The following DLGAP4 variants were observed in gnomAD, a reference collection of about 807,000 sequenced individuals.
DLGAP4 encodes the protein disks large-associated protein 4.
In DLGAP4, 18 loss-of-function variants were observed where a neutral mutation model predicts 86.9. The ratio of observed to expected loss-of-function variants is 0.21; its 90% CI spans 0.14 to 0.31. The LOEUF (loss-of-function observed/expected upper bound fraction) is 0.31. Ranked by LOEUF, DLGAP4 falls within the 10% of genes least tolerant of loss-of-function variation. The probability of loss-of-function intolerance (pLI) is 1.00; values close to 1 mark genes in which losing one functional copy is unlikely to be tolerated. For missense variants in DLGAP4, 1,085 were observed against 1,362.6 expected (o/e 0.80, Z 3.21); for synonymous variants, 548 against 574.3 (o/e 0.95, Z 0.65).
intron 6 of DLGAP4, 33 bp from the exon 7 acceptor site, chr20:36,446,664 C>T (rs1319690924): frequency 2.4e-5 from 38 of 1,569,102 alleles, no homozygotes; most frequent in Non-Finnish European, 3.1e-5. Context: ...GGCAAGATAG[C>T]CAGCTCCCTC....
intron 7 of DLGAP4, among the ~76,000 whole-genome samples, chr20:36,470,558 A>C (rs991520021): frequency 6.6e-6 from 1 of 152,046 alleles, no homozygotes; most frequent in African/African-American, 2.4e-5. Context: ...GTTGGTTTAA[A>C]AAAATTCAAA....
intron 10 of DLGAP4, among the ~76,000 whole-genome samples, chr20:36,518,089 G>A (rs1013670446): frequency 5.9e-5 from 9 of 152,166 alleles, no homozygotes; most frequent in Admixed American, 5.2e-4. Context: ...GCATGATGGC[G>A]GGTGCCTGTA....
rs1191100158 is a variant in DLGAP4, at chr20:36,308,805, C to T, written c.-304+2293C>T. On this transcript the variant is annotated intron_variant, in intron 1 of 12. Transcript: ENST00000339266. The surrounding 1 kb of genome is among the most constrained non-coding windows in gnomAD (Gnocchi z 4.5). ...TTCATTCAGAAAAGCATTAGAAAAT[C>T]GCATTTGCTAACATCAGTGCATTTG... Among the ~76,000 whole-genome samples the T allele has an allele frequency of 2.0e-5, 3 of 152,282 alleles. No individual in the cohort carries two copies. The highest frequency in any genetic ancestry group is 1.3e-4 in the Admixed American group (2 of 15,286).
chr20:36,421,036 G>A (rs1427550390), intron 2 of DLGAP4, among the ~76,000 whole-genome samples: 5 of 152,126 alleles, frequency 3.3e-5, no homozygotes, highest in African/African-American at 1.2e-4. Context: ...AGCTACCCAG[G>A]AAGCTGAGAC....
chr20:36,515,642 C>G (rs1180981026), intron 10 of DLGAP4, among the ~76,000 whole-genome samples: 5 of 152,296 alleles, frequency 3.3e-5, no homozygotes, highest in Middle Eastern at 3.4e-3. Flanking sequence ...CCAGGCTGGT[C>G]TCAAACTTCT....
At chr20:36,514,301 T>G (rs143384950) in intron 10 of DLGAP4, among the ~76,000 whole-genome samples, 1 of 152,058 alleles carries the variant, frequency 6.6e-6, no homozygotes, top group African/African-American at 2.4e-5. Context: ...AGGAGGAGGA[T>G]TAAGAGAAGA....
rs79958204 is a variant in DLGAP4 at position 36,341,338 on chromosome 20, A to G, written c.-303-25707A>G. ...CTTGGGACACTTATCATGACTTACAATTGTTTTGCCAGTTTTGTCTCACCC... is the reference window on the plus strand; with the variant it reads ...CTTGGGACACTTATCATGACTTACAGTTGTTTTGCCAGTTTTGTCTCACCC... On this transcript the variant is annotated intron_variant, in intron 1 of 12. Coordinates refer to ENST00000339266, the MANE Select transcript of DLGAP4 (RefSeq NM_001365621.2). 1.1e-3 allele frequency among the ~76,000 whole-genome samples: 165 copies of G among 152,108 alleles called. 2 individuals are homozygous for G. In the East Asian group the frequency reaches 0.025, roughly 23 times the overall value.
At chr20:36,497,375 GTCCAC>G in intron 8 of DLGAP4, 7 of 1,224,694 alleles carry the variant, frequency 5.7e-6, no homozygotes, top group Non-Finnish European at 7.2e-6. Flanking sequence ...CTGTCTGTCT[GTCCAC>G]TCCACCCTTT....
intron 2 of DLGAP4, among the ~76,000 whole-genome samples, chr20:36,378,918 C>T (rs918851053): frequency 1.6e-4 from 25 of 152,098 alleles, no homozygotes; most frequent in African/African-American, 6.0e-4. Flanking sequence ...GCCCAAGTAC[C>T]GGGCCTCGTG....
chr20:36,411,344 A>C (rs557370666), intron 2 of DLGAP4, among the ~76,000 whole-genome samples: 2 of 152,104 alleles, frequency 1.3e-5, no homozygotes, highest in Non-Finnish European at 2.9e-5. Flanking sequence ...AATCAGACAG[A>C]TGCCCTGACC....
At position 36,432,622 on chromosome 20, in the gene DLGAP4, C is replaced by G; in HGVS notation, c.905C>G (p.Ala302Gly). Residue 302 changes from alanine to glycine, a missense_variant, in exon 3 of 13, where the codon GCC becomes GGC. By Grantham distance (60) the Ala-to-Gly change is moderately conservative (BLOSUM62 0). This residue lies in a region of DLGAP4 where 1,082 missense variants were observed against 1,344.1 expected (regional missense o/e 0.81). Coordinates refer to ENST00000339266, the MANE Select transcript of DLGAP4 (RefSeq NM_001365621.2). This position sits in a 1 kb window ranked among gnomAD's most constrained non-coding sequence, Gnocchi z 6.5. ...TGGTCCACTCTGACCCTCAGCCACG[C>G]CCACGAGGTCTGCCAGAAGACCTCA... The part of the protein sequence containing the change: ...GSWSTLTLSH[A>G]HEVCQKTSAT... 6.2e-7 allele frequency: 1 copy of G among 1,612,424 alleles called. No homozygotes were observed. The highest frequency in any genetic ancestry group is 2.2e-5 in the East Asian group (1 of 44,850).
At chr20:36,401,039 A>G (rs2425252) in intron 2 of DLGAP4, among the ~76,000 whole-genome samples, 107,389 of 151,474 alleles carry the variant, frequency 0.71, 38,421 homozygotes, top group South Asian at 0.83. Context: ...AGGCCAGTCA[A>G]ACTCCTCCTG....
intron 11 of DLGAP4, among the ~76,000 whole-genome samples, chr20:36,525,034 C>T (rs910948075): frequency 1.4e-4 from 21 of 151,112 alleles, no homozygotes; most frequent in Non-Finnish European, 2.9e-4. Context: ...CTGGCTAACA[C>T]GGTGAAACCC....
chr20:36,443,567 C>A (rs1025258396), intron 6 of DLGAP4, among the ~76,000 whole-genome samples: 1 of 152,152 alleles, frequency 6.6e-6, no homozygotes, highest in Non-Finnish European at 1.5e-5. Flanking sequence ...TCCTCCTGAA[C>A]ACATGATTCA....
At chr20:36,377,911 T>C (rs2031221175) in intron 2 of DLGAP4, among the ~76,000 whole-genome samples, 1 of 152,244 alleles carries the variant, frequency 6.6e-6, no homozygotes, top group African/African-American at 2.4e-5. Context: ...TGGGAAAATC[T>C]TCAGCCTTAC....
At chr20:36,504,576 T>C (rs543069139) in intron 10 of DLGAP4, among the ~76,000 whole-genome samples, 1 of 152,302 alleles carries the variant, frequency 6.6e-6, no homozygotes, top group African/African-American at 2.4e-5. Flanking sequence ...GCTGAACTGC[T>C]TTCCATAGAA....
chr20:36,454,985 G>A (rs2033842497), intron 7 of DLGAP4, among the ~76,000 whole-genome samples: 1 of 152,188 alleles, frequency 6.6e-6, no homozygotes, highest in African/African-American at 2.4e-5. Flanking sequence ...CTCTAGCTGG[G>A]ATGGTGGGAG....
At chr20:36,378,516 T>G (rs1344503184) in intron 2 of DLGAP4, among the ~76,000 whole-genome samples, 1 of 152,078 alleles carries the variant, frequency 6.6e-6, no homozygotes, top group Non-Finnish European at 1.5e-5. Context: ...CAGACTTAGC[T>G]CAGATTGGTG....
chr20:36,354,352 C>G (rs1444615143), intron 1 of DLGAP4, among the ~76,000 whole-genome samples: 1 of 152,086 alleles, frequency 6.6e-6, no homozygotes. Flanking sequence ...ATCAAACAAA[C>G]AGCTTTATTT....
Sources: gnomAD v4.1 joint callset for allele counts (sites outside exome capture counted in the v4.1 genomes callset) on GRCh38, gnomAD v4.1.1 for gene constraint, gnomAD v4.1.1 regional missense constraint, Gnocchi (gnomAD v3.1) non-coding constraint, MANE v1.5 for transcripts, NCBI Gene and HGNC (gene_info 2026-07-23, HGNC 2026-07-21) for gene names.